Variants in CADM1 observed in about 807,000 individuals in gnomAD.
CADM1 encodes cell adhesion molecule 1.
A neutral mutation model predicts 53.1 loss-of-function variants in CADM1; 15 were observed. The ratio of observed to expected loss-of-function variants is 0.28; its 90% CI spans 0.19 to 0.44. The LOEUF (loss-of-function observed/expected upper bound fraction) is 0.44, where lower values mean the gene tolerates loss of function less well. CADM1 is among the 20% of genes least tolerant of loss of function. CADM1 has a pLI of 1.00. For missense variants in CADM1, 434 were observed against 611.3 expected (o/e 0.71, Z 3.06); for synonymous variants, 281 against 243.0 (o/e 1.16, Z -1.45).
At chr11:115,328,829 G>A (rs2135209741) in intron 1 of CADM1, among the ~76,000 whole-genome samples, 1 of 142,968 alleles carries the variant, frequency 7.0e-6, no homozygotes, top group South Asian at 2.3e-4. Context: ...TATATCTTAT[G>A]GGATGTGGTA....
intron 1 of CADM1, among the ~76,000 whole-genome samples, chr11:115,283,470 C>T (rs1943641329): frequency 6.6e-6 from 1 of 152,156 alleles, no homozygotes; most frequent in Non-Finnish European, 1.5e-5. Context: ...GAAGTCATCC[C>T]TGTGTAAAGC....
chr11:115,398,659 A>G (rs1270225584), intron 1 of CADM1, among the ~76,000 whole-genome samples: 1 of 152,242 alleles, frequency 6.6e-6, no homozygotes, highest in Non-Finnish European at 1.5e-5. Context: ...ATTCCATTTT[A>G]GATTAAACAA....
At chr11:115,203,861 GAA>G (rs200058553) in intron 8 of CADM1, among the ~76,000 whole-genome samples, 1 of 150,384 alleles carries the variant, frequency 6.6e-6, no homozygotes, top group Non-Finnish European at 1.5e-5. Flanking sequence ...CAATTATCAG[GAA>G]AAAAAAATGT....
chr11:115,409,761 C>G (rs570094184), intron 1 of CADM1, among the ~76,000 whole-genome samples: 1 of 152,184 alleles, frequency 6.6e-6, no homozygotes, highest in East Asian at 1.9e-4. Flanking sequence ...AATTCCACTG[C>G]CTGCTCCCAG....
At chr11:115,244,619 AGCTG>A in intron 1 of CADM1, among the ~76,000 whole-genome samples, 1 of 152,320 alleles carries the variant, frequency 6.6e-6, no homozygotes, top group Admixed American at 6.5e-5. Context: ...TAAGTGGCCA[AGCTG>A]ATGCTTGAAC....
At chr11:115,266,482 G>A (rs1035295108) in intron 1 of CADM1, among the ~76,000 whole-genome samples, 2 of 152,204 alleles carry the variant, frequency 1.3e-5, no homozygotes, top group African/African-American at 2.4e-5. Flanking sequence ...CAGCCACGCA[G>A]GACTGGGCCA....
At chr11:115,309,589 T>C (rs1944477995) in intron 1 of CADM1, among the ~76,000 whole-genome samples, 1 of 152,238 alleles carries the variant, frequency 6.6e-6, no homozygotes, top group Middle Eastern at 3.4e-3. Context: ...TTTTATGTTA[T>C]GTAGAACTGA....
intron 1 of CADM1, among the ~76,000 whole-genome samples, chr11:115,321,012 A>T (rs914591175): frequency 1.3e-5 from 2 of 152,196 alleles, no homozygotes; most frequent in African/African-American, 4.8e-5. Flanking sequence ...CATACTTTTA[A>T]CAACATTACA....
chr11:115,317,983 T>TACACACACACAC (rs35753948), intron 1 of CADM1, among the ~76,000 whole-genome samples: 14 of 149,194 alleles, frequency 9.4e-5, no homozygotes, highest in African/African-American at 3.4e-4. Flanking sequence ...TATTACACAC[T>TACACACACACAC]ACACACACAC....
chr11:115,316,783 G>T (rs1455286199), intron 1 of CADM1, among the ~76,000 whole-genome samples: 1 of 152,136 alleles, frequency 6.6e-6, no homozygotes, highest in Non-Finnish European at 1.5e-5. Context: ...AGCAAGAGAA[G>T]CCATCTTAAG....
intron 1 of CADM1, among the ~76,000 whole-genome samples, chr11:115,303,533 CTAATTTGCAAGATTGTG>C (rs1210161883): frequency 1.3e-5 from 2 of 152,022 alleles, no homozygotes; most frequent in African/African-American, 2.4e-5. Flanking sequence ...CACATACTCA[CTAATTTGCAAGATTGTG>C]TAATTTGCAT....
chr11:115,435,477 A>T (rs956281177), intron 1 of CADM1, among the ~76,000 whole-genome samples: 3 of 152,346 alleles, frequency 2.0e-5, no homozygotes, highest in Admixed American at 6.5e-5. Flanking sequence ...TCACTCCTGT[A>T]ATCCCAGCAC....
At chr11:115,230,948 C>A (rs959115338) in intron 4 of CADM1, among the ~76,000 whole-genome samples, 2 of 151,952 alleles carry the variant, frequency 1.3e-5, no homozygotes, top group Admixed American at 1.3e-4. Context: ...AAATGTATAC[C>A]CTGAAAATGT....
intron 1 of CADM1, among the ~76,000 whole-genome samples, chr11:115,289,144 C>G (rs781154348): frequency 6.6e-6 from 1 of 152,132 alleles, no homozygotes; most frequent in Non-Finnish European, 1.5e-5. Context: ...GCGGGCAGAT[C>G]ACTTAAGGTC....
chr11:115,221,431 C>T lies in CADM1; in HGVS notation c.722-3440G>A, dbSNP rs148400820. On this transcript the variant is annotated intron_variant, in intron 5 of 11. Coordinates refer to ENST00000331581, the MANE Select transcript of CADM1 (RefSeq NM_001301043.2). ...CACCAGGAGGCTTTAGGTCACACTA[C>T]AGTAGCAACCAATTAAAAAAATAAT... 2.0e-5 allele frequency among the ~76,000 whole-genome samples: 3 copies of T among 152,232 alleles called. No homozygotes were observed. In the East Asian group the frequency reaches 5.8e-4, roughly 29 times the overall value.
In CADM1 at chr11:115,175,289, C is replaced by T. The variant is rs528106440; in HGVS notation, c.*1185G>A. On this transcript the variant is annotated 3_prime_UTR_variant, in exon 12 of 12. Transcript: ENST00000331581. ...AAGGAATGAAAGTTTCACACAGATT[C>T]GAGTTGGAAATCCCAGCATGACAAA... The T allele has an allele frequency of 1.6e-5, 16 of 984,562 alleles. No individual in the cohort carries two copies. In the East Asian group the frequency reaches 4.6e-4, roughly 28 times the overall value. The allele number at this position is 984,562 out of a possible 1,614,324, so 61.0% of individuals were successfully genotyped here. A position where few individuals can be genotyped will look rare whatever the true frequency, so the allele number is the denominator to read the frequency against.
intron 1 of CADM1, among the ~76,000 whole-genome samples, chr11:115,450,905 T>C (rs554788836): frequency 6.6e-6 from 1 of 152,340 alleles, no homozygotes; most frequent in South Asian, 2.1e-4. Flanking sequence ...CCAATTCCTT[T>C]ATCCTGTATC....
chr11:115,217,875 TG>T lies in CADM1; in HGVS notation c.821+16del. On this transcript the variant is annotated intron_variant, in intron 6 of 11. Transcript: ENST00000331581. ...ACTGCGCATGACCCTCTGCCAACTT[TG>T]GCCTTCAGAACTTACTGGGGCTTCC... 6.4e-7 allele frequency: 1 copy of T among 1,563,592 alleles called. No homozygotes were observed. The highest frequency in any genetic ancestry group is 8.8e-7 in the Non-Finnish European group (1 of 1,134,078).
intron 1 of CADM1, among the ~76,000 whole-genome samples, chr11:115,276,341 T>C (rs889758084): frequency 6.6e-6 from 1 of 152,040 alleles, no homozygotes; most frequent in East Asian, 1.9e-4. Context: ...CCATCAGGAT[T>C]AGGAGGGGGA....
Sources: gnomAD v4.1 joint callset for allele counts (sites outside exome capture counted in the v4.1 genomes callset) on GRCh38, gnomAD v4.1.1 for gene constraint, MANE v1.5 for transcripts, NCBI Gene and HGNC (gene_info 2026-07-23, HGNC 2026-07-21) for gene names.